Variants in RBFOX1 observed in about 807,000 individuals in gnomAD.
RBFOX1 encodes RNA binding protein fox-1 homolog 1.
In RBFOX1, 8 loss-of-function variants were observed where a neutral mutation model predicts 57.7. That is an observed-to-expected ratio of 0.14 (90% confidence interval 0.08 to 0.25). The LOEUF (loss-of-function observed/expected upper bound fraction) is 0.25, where lower values mean the gene tolerates loss of function less well. Ranked by LOEUF, RBFOX1 falls within the 10% of genes least tolerant of loss-of-function variation. The probability of loss-of-function intolerance (pLI) is 1.00; values close to 1 mark genes in which losing one functional copy is unlikely to be tolerated. For synonymous variants in RBFOX1, 326 were observed against 222.4 expected (o/e 1.47, Z -4.15); for missense variants, 611 against 548.5 (o/e 1.11, Z -1.14).
At chr16:5,745,770 C>T (rs548820884) in intron 3 of RBFOX1, among the ~76,000 whole-genome samples, 165 of 152,284 alleles carry the variant, frequency 1.1e-3, no homozygotes, top group African/African-American at 3.9e-3. Context: ...ATATCCTTCA[C>T]CCACTTTTTG....
chr16:6,305,081 C>T (rs150175288), intron 1 of RBFOX1, among the ~76,000 whole-genome samples: 4 of 152,252 alleles, frequency 2.6e-5, no homozygotes, highest in East Asian at 1.9e-4. Context: ...CCCCATGGCA[C>T]GTCTGAGCTC....
intron 1 of RBFOX1, among the ~76,000 whole-genome samples, chr16:5,304,340 G>T (rs2063878702): frequency 1.3e-5 from 2 of 152,232 alleles, no homozygotes; most frequent in South Asian, 4.1e-4. Context: ...TGGTAGTCCT[G>T]TAGAAGGGTG....
At chr16:6,120,523 T>C (rs557798212) in intron 1 of RBFOX1, among the ~76,000 whole-genome samples, 2 of 152,276 alleles carry the variant, frequency 1.3e-5, no homozygotes, top group African/African-American at 4.8e-5. Context: ...GGTCGTATAA[T>C]TTGTCTCAGT....
chr16:6,888,397 A>C (rs1290861447), intron 3 of RBFOX1, among the ~76,000 whole-genome samples: 1 of 152,178 alleles, frequency 6.6e-6, no homozygotes, highest in Middle Eastern at 3.2e-3. Context: ...TGGAGGAGAA[A>C]GAGCTTACTG....
chr16:5,577,987 C>T (rs1358237153), intron 2 of RBFOX1, among the ~76,000 whole-genome samples: 1 of 152,084 alleles, frequency 6.6e-6, no homozygotes, highest in Non-Finnish European at 1.5e-5. Flanking sequence ...GAGTCTCTCT[C>T]TGTTGCCAGG....
intron 3 of RBFOX1, among the ~76,000 whole-genome samples, chr16:6,986,314 T>G (rs2090269319): frequency 6.6e-6 from 1 of 152,096 alleles, no homozygotes; most frequent in South Asian, 2.1e-4. Context: ...GACTCTTGCC[T>G]CAGCCTCCCG....
chr16:5,708,891 A>G (rs1644816683), intron 3 of RBFOX1, among the ~76,000 whole-genome samples: 2 of 152,222 alleles, frequency 1.3e-5, no homozygotes, highest in Non-Finnish European at 2.9e-5. Context: ...CCCAATTGTC[A>G]TAGAAGAGGA....
intron 3 of RBFOX1, among the ~76,000 whole-genome samples, chr16:5,774,202 G>C (rs2054071815): frequency 6.6e-6 from 1 of 152,174 alleles, no homozygotes; most frequent in African/African-American, 2.4e-5. Context: ...CCCAGAATGG[G>C]GGATTTGGGC....
intron 1 of RBFOX1, among the ~76,000 whole-genome samples, chr16:5,255,914 T>C (rs945840452): frequency 6.6e-6 from 1 of 151,906 alleles, no homozygotes; most frequent in African/African-American, 2.4e-5. Context: ...GATTTTCTTA[T>C]CTGAAAATTG....
intron 3 of RBFOX1, among the ~76,000 whole-genome samples, chr16:5,845,439 ATC>A (rs1182379112): frequency 6.6e-6 from 1 of 152,042 alleles, no homozygotes; most frequent in Non-Finnish European, 1.5e-5. Flanking sequence ...TGAGTTTCAG[ATC>A]TCAGTTTATT....
chr16:6,692,699 A>G (rs1453743889), intron 3 of RBFOX1, among the ~76,000 whole-genome samples: 2 of 151,912 alleles, frequency 1.3e-5, no homozygotes, highest in East Asian at 1.9e-4. Flanking sequence ...CCTAGTTGAA[A>G]TGCCTACTAT....
At chr16:6,722,381 A>G (rs1313640424) in intron 3 of RBFOX1, among the ~76,000 whole-genome samples, 1 of 152,168 alleles carries the variant, frequency 6.6e-6, no homozygotes, top group Non-Finnish European at 1.5e-5. Flanking sequence ...AGGTTGCTCT[A>G]AGTCATCTTG....
At chr16:6,887,651 C>G (rs1297269902) in intron 3 of RBFOX1, among the ~76,000 whole-genome samples, 2 of 147,236 alleles carry the variant, frequency 1.4e-5, no homozygotes, top group Admixed American at 6.7e-5. Flanking sequence ...GTTGTTTTTG[C>G]TGTCTTTCCA....
intron 1 of RBFOX1, among the ~76,000 whole-genome samples, chr16:6,143,111 C>G (rs557228245): frequency 6.6e-6 from 1 of 152,214 alleles, no homozygotes; most frequent in African/African-American, 2.4e-5. Flanking sequence ...GTAAGCTCCA[C>G]TTACTTCTGT....
chr16:6,528,402 A>G (rs556110368), intron 2 of RBFOX1, among the ~76,000 whole-genome samples: 1 of 152,148 alleles, frequency 6.6e-6, no homozygotes, highest in African/African-American at 2.4e-5. Flanking sequence ...TCCACCATCA[A>G]TGCACAGTCA....
At chr16:7,553,424 C>T (rs1238758680) in intron 5 of RBFOX1, among the ~76,000 whole-genome samples, 9 of 152,202 alleles carry the variant, frequency 5.9e-5, no homozygotes, top group Admixed American at 5.9e-4. Context: ...GGATTACAGG[C>T]ATGAGGTGCC....
intron 2 of RBFOX1, among the ~76,000 whole-genome samples, chr16:6,453,618 T>A (rs1014287746): frequency 6.6e-6 from 1 of 152,180 alleles, no homozygotes; most frequent in African/African-American, 2.4e-5. Context: ...GAGGAGCTGG[T>A]ACTGTTCCTT....
At chr16:7,086,482 G>A (rs1465558265) in intron 4 of RBFOX1, among the ~76,000 whole-genome samples, 1 of 152,016 alleles carries the variant, frequency 6.6e-6, no homozygotes, top group Non-Finnish European at 1.5e-5. Context: ...CATTCATGAT[G>A]TGTTTCAGTA....
At chr16:7,543,308 T>G (rs904879982) in intron 5 of RBFOX1, among the ~76,000 whole-genome samples, 7 of 152,060 alleles carry the variant, frequency 4.6e-5, no homozygotes, top group Admixed American at 6.6e-5. Context: ...GTCTCACCAC[T>G]CACATAGAAT....
Sources: gnomAD v4.1 joint callset for allele counts (sites outside exome capture counted in the v4.1 genomes callset) on GRCh38, gnomAD v4.1.1 for gene constraint, MANE v1.5 for transcripts, NCBI Gene and HGNC (gene_info 2026-07-23, HGNC 2026-07-21) for gene names.